The following STUM variants were observed in gnomAD, a reference collection of about 807,000 sequenced individuals.
STUM encodes stum, mechanosensory transduction mediator homolog.
A neutral mutation model predicts 15.3 loss-of-function variants in STUM; 8 were observed. The ratio of observed to expected loss-of-function variants is 0.52; its 90% CI spans 0.31 to 0.94. STUM has a LOEUF of 0.94. STUM is among the 40% of genes least tolerant of loss of function. The pLI is 0.05. For synonymous variants in STUM, 78 were observed against 88.7 expected, an observed-to-expected ratio of 0.88 and a Z score of 0.68; for missense variants, 142 against 204.9, an observed-to-expected ratio of 0.69 and a Z score of 1.87.
At chr1:226,557,569 ATGGTCCT>A (rs1667466145) in intron 1 of STUM, among the ~76,000 whole-genome samples, 1 of 152,198 alleles carries the variant, frequency 6.6e-6, no homozygotes, top group African/African-American at 2.4e-5. Flanking sequence ...ATTTTCCATA[ATGGTCCT>A]ATAATTCGCA....
intron 1 of STUM, among the ~76,000 whole-genome samples, chr1:226,573,799 G>A (rs1479717771): frequency 6.6e-6 from 1 of 151,664 alleles, no homozygotes; most frequent in Non-Finnish European, 1.5e-5. Context: ...AAGAGCACCT[G>A]AAATCTACTC....
chr1:226,585,922 C>T (rs1667989783), intron 1 of STUM, among the ~76,000 whole-genome samples: 3 of 152,096 alleles, frequency 2.0e-5, no homozygotes. Context: ...AAATCTGGGA[C>T]CAGTATACCA....
At chr1:226,583,240 A>T in intron 1 of STUM, among the ~76,000 whole-genome samples, 1 of 151,970 alleles carries the variant, frequency 6.6e-6, no homozygotes, top group East Asian at 1.9e-4. Flanking sequence ...CAGCAAAGTC[A>T]CATTGCAAAG....
Position 226,600,760 on chromosome 1 carries a change from C to G in STUM, c.391+86C>G, listed in dbSNP as rs1571815476. 1.6e-5 allele frequency: 23 copies of G among 1,430,196 alleles called. No individual in the cohort carries two copies. In the East Asian group the frequency reaches 4.8e-4, roughly 30 times the overall value. The allele number at this position is 1,430,196 out of a possible 1,614,324, so 88.6% of individuals were successfully genotyped here. ...AGACCCCCACTCCTGCACACAAACA[C>G]CCCACCCACTCTCCCAGTGGGTCAA... On this transcript the variant is annotated intron_variant, in intron 3 of 3. Transcript: ENST00000366788. This position sits in a 1 kb window ranked among gnomAD's most constrained non-coding sequence, Gnocchi z 5.2.
At chr1:226,592,151 G>A (rs970330109) in intron 1 of STUM, among the ~76,000 whole-genome samples, 4 of 152,162 alleles carry the variant, frequency 2.6e-5, no homozygotes, top group South Asian at 2.1e-4. Flanking sequence ...GGCTTCAAAC[G>A]ATTCTTCTGC....
chr1:226,571,720 A>G (rs1338003772), intron 1 of STUM, among the ~76,000 whole-genome samples: 1 of 151,714 alleles, frequency 6.6e-6, no homozygotes, highest in African/African-American at 2.4e-5. Context: ...GCTCACTGCA[A>G]CCTCTGCCTG....
At chr1:226,593,863 C>A (rs1668128809) in intron 1 of STUM, among the ~76,000 whole-genome samples, 1 of 152,170 alleles carries the variant, frequency 6.6e-6, no homozygotes, top group African/African-American at 2.4e-5. Context: ...AAAGCAGATG[C>A]CAGGTCACCC....
chr1:226,576,408 G>A (rs995360949), intron 1 of STUM, among the ~76,000 whole-genome samples: 1 of 152,222 alleles, frequency 6.6e-6, no homozygotes, highest in Non-Finnish European at 1.5e-5. Flanking sequence ...CAAAAGCCAT[G>A]ATGAAATGAA....
intron 1 of STUM, among the ~76,000 whole-genome samples, chr1:226,562,444 G>A (rs1223735542): frequency 1.3e-5 from 2 of 149,746 alleles, no homozygotes; most frequent in African/African-American, 2.5e-5. Context: ...ACGCCCTCTC[G>A]AGCCTGGGCG....
rs1443561606 is a variant in STUM, at chr1:226,567,943, A to G, written c.202+18837A>G. Among the ~76,000 whole-genome samples the G allele has an allele frequency of 1.3e-5, 2 of 152,232 alleles. No homozygotes were observed. Among genetic ancestry groups the G allele is most frequent in the East Asian group, 1.9e-4 (1 of 5,200 alleles). ...GGGCACCCCGAGGAGGAGGTACCAGACTACCTGTCTGGCTGAGCACTGATC... is the reference window on the plus strand; with the variant it reads ...GGGCACCCCGAGGAGGAGGTACCAGGCTACCTGTCTGGCTGAGCACTGATC... On this transcript the variant is annotated intron_variant, in intron 1 of 3. Coordinates refer to ENST00000366788, the MANE Select transcript of STUM (RefSeq NM_001003665.4). The surrounding 1 kb of genome is among the most constrained non-coding windows in gnomAD (Gnocchi z 4.5).
chr1:226,577,921 G>A (rs934684698), intron 1 of STUM, among the ~76,000 whole-genome samples: 3 of 152,174 alleles, frequency 2.0e-5, no homozygotes, highest in African/African-American at 7.2e-5. Flanking sequence ...TCCACCACTA[G>A]CCCAGGCAGG....
intron 1 of STUM, among the ~76,000 whole-genome samples, chr1:226,591,547 G>A (rs1571811019): frequency 2.0e-5 from 3 of 152,278 alleles, no homozygotes; most frequent in South Asian, 4.2e-4. Context: ...CATCTGCAGA[G>A]CACTGGGCTC....
intron 1 of STUM, among the ~76,000 whole-genome samples, chr1:226,558,892 C>A (rs562395879): frequency 7.9e-5 from 12 of 152,284 alleles, no homozygotes; most frequent in Admixed American, 3.9e-4. Context: ...GCAGGTGTGT[C>A]TTCGGCATGG....
chr1:226,575,805 A>G (rs1667799734), intron 1 of STUM, among the ~76,000 whole-genome samples: 1 of 152,226 alleles, frequency 6.6e-6, no homozygotes, highest in Admixed American at 6.5e-5. Flanking sequence ...CTGCACGCCA[A>G]TAGATAGTCA....
intron 1 of STUM, among the ~76,000 whole-genome samples, chr1:226,573,073 A>C (rs655682): frequency 1.3e-5 from 2 of 152,038 alleles, no homozygotes; most frequent in Non-Finnish European, 2.9e-5. Context: ...TGTTGTTTTC[A>C]TCCAACTTTC....
chr1:226,573,903 C>T (rs1667762448), intron 1 of STUM, among the ~76,000 whole-genome samples: 1 of 151,112 alleles, frequency 6.6e-6, no homozygotes, highest in Non-Finnish European at 1.5e-5. Flanking sequence ...GGTGTGATCT[C>T]AGCTCACTGC....
intron 1 of STUM, among the ~76,000 whole-genome samples, chr1:226,577,215 CT>C (rs1667831816): frequency 6.6e-6 from 1 of 152,226 alleles, no homozygotes; most frequent in African/African-American, 2.4e-5. Context: ...GCTGTGCTGC[CT>C]TTGAAGGGCT....
At position 226,549,238 on chromosome 1, in the gene STUM, C is replaced by T. The variant is rs978664406; in HGVS notation, c.202+132C>T. 4 of 733,336 alleles carry T rather than the reference C, an allele frequency of 5.5e-6. No individual in the cohort carries two copies. The highest frequency in any genetic ancestry group is 8.5e-6 in the Non-Finnish European group (4 of 472,108). The allele number at this position is 733,336 out of a possible 1,614,324, so 45.4% of individuals were successfully genotyped here. A position where few individuals can be genotyped will look rare whatever the true frequency, so the allele number is the denominator to read the frequency against. The stretch of plus-strand genomic sequence containing the variant: ...AGTGCTGCGACCACGCGCCACCGCC[C>T]GCTCCTGGCGTCCCCGGGCAGGTGG... On this transcript the variant is annotated intron_variant, in intron 1 of 3. Coordinates refer to ENST00000366788, the MANE Select transcript of STUM (RefSeq NM_001003665.4). This position sits in a 1 kb window ranked among gnomAD's most constrained non-coding sequence, Gnocchi z 6.8.
chr1:226,572,773 G>A (rs1054509213), intron 1 of STUM, among the ~76,000 whole-genome samples: 3 of 152,232 alleles, frequency 2.0e-5, no homozygotes, highest in Non-Finnish European at 2.9e-5. Context: ...GTCAGGGTCC[G>A]CGGTACTAGT....
Sources: gnomAD v4.1 joint callset for allele counts (sites outside exome capture counted in the v4.1 genomes callset) on GRCh38, gnomAD v4.1.1 for gene constraint, Gnocchi (gnomAD v3.1) non-coding constraint, MANE v1.5 for transcripts, NCBI Gene and HGNC (gene_info 2026-07-23, HGNC 2026-07-21) for gene names.